The following SGK3 variants were observed in gnomAD, a reference collection of about 807,000 sequenced individuals.
The protein encoded by SGK3 is serum/glucocorticoid regulated kinase family member 3, also known as serine/threonine-protein kinase Sgk3.
In SGK3, 47 loss-of-function variants were observed where a neutral mutation model predicts 68.5. The observed-to-expected ratio is 0.69, with a 90% CI of 0.54 to 0.87. SGK3 has a LOEUF of 0.87. SGK3 is among the 40% of genes least tolerant of loss of function. SGK3 has a pLI of 0.00. For missense variants in SGK3, 479 were observed against 575.5 expected (o/e 0.83, Z 1.72); for synonymous variants, 181 against 189.1 (o/e 0.96, Z 0.35).
In SGK3 at chr8:66,744,270, T is replaced by C. The variant is rs888254075; in HGVS notation, c.-122+31437T>C. Among the ~76,000 whole-genome samples the C allele has an allele frequency of 7.9e-5, 12 of 151,854 alleles. 1 individual carries two copies. Among genetic ancestry groups the C allele is most frequent in the Non-Finnish European group, 1.0e-4 (7 of 67,968 alleles). ...GTCTTCTAGTTTCCACTGTTGCTGT[T>C]AAAAGGCCATGCCATTCTTATTCCT... On this transcript the variant is annotated intron_variant, in intron 1 of 16. Coordinates refer to ENST00000521198, the MANE Select transcript of SGK3 (RefSeq NM_001033578.3).
chr8:66,746,539 G>A (rs78670926), intron 1 of SGK3, among the ~76,000 whole-genome samples: 3,103 of 152,000 alleles, frequency 0.02, 108 homozygotes, highest in African/African-American at 0.069. Context: ...CCTGGCAACA[G>A]AGCAAGATCC....
chr8:66,726,733 T>C (rs1804993825), intron 1 of SGK3, among the ~76,000 whole-genome samples: 3 of 149,434 alleles, frequency 2.0e-5, no homozygotes, highest in African/African-American at 7.5e-5. Flanking sequence ...CTCAGGAGTT[T>C]GAGGTTACAG....
At chr8:66,767,761 T>C in intron 1 of SGK3, 1 of 1,576,816 alleles carries the variant, frequency 6.3e-7, no homozygotes. Flanking sequence ...CTGTTTTTGT[T>C]TGAGGGGTCC....
chr8:66,794,435 T>C (rs892160211), intron 2 of SGK3, among the ~76,000 whole-genome samples: 5 of 151,946 alleles, frequency 3.3e-5, no homozygotes, highest in African/African-American at 1.2e-4. Flanking sequence ...TTAGTTTCAG[T>C]AGTCCTATTA....
At chr8:66,733,066 T>C (rs1032883123) in intron 1 of SGK3, among the ~76,000 whole-genome samples, 11 of 152,138 alleles carry the variant, frequency 7.2e-5, no homozygotes, top group Admixed American at 5.9e-4. Context: ...ATGGTACATA[T>C]AGCCAGAAAA....
chr8:66,723,117 ATATATATATATATATTT>A (rs1335338290), intron 1 of SGK3, among the ~76,000 whole-genome samples: 11 of 49,778 alleles, frequency 2.2e-4, no homozygotes, highest in Admixed American at 6.8e-4. Context: ...ATATATATAT[ATATATATATATATATTT>A]TTTTTTTTTT....
At chr8:66,781,128 T>C (rs1585706879) in intron 1 of SGK3, among the ~76,000 whole-genome samples, 3 of 152,166 alleles carry the variant, frequency 2.0e-5, no homozygotes, top group African/African-American at 7.2e-5. Flanking sequence ...CTGTAAGATA[T>C]GCTTGGAGTG....
intron 1 of SGK3, among the ~76,000 whole-genome samples, chr8:66,769,657 C>T (rs1256210316): frequency 1.3e-5 from 2 of 152,174 alleles, no homozygotes; most frequent in African/African-American, 4.8e-5. Context: ...TTATTGTTTT[C>T]ATCTCTAAAA....
chr8:66,744,514 TATATA>T (rs1446716397), intron 1 of SGK3, among the ~76,000 whole-genome samples: 420 of 29,102 alleles, frequency 0.014, 5 homozygotes, highest in African/African-American at 0.017. Context: ...TATATATATA[TATATA>T]TTTTTTTTTT....
chr8:66,784,664 C>CA (rs149140470), intron 1 of SGK3, among the ~76,000 whole-genome samples: 1,604 of 150,890 alleles, frequency 0.011, 16 homozygotes, highest in Non-Finnish European at 0.015. Context: ...ATATAATAGA[C>CA]AAAAAAAATG....
In SGK3 at chr8:66,859,421, A is replaced by C. The variant is rs754690758; in HGVS notation, c.1331A>C (p.Asp444Ala). The C allele has an allele frequency of 1.2e-6, 2 of 1,608,108 alleles. No individual in the cohort carries two copies. Among genetic ancestry groups the C allele is most frequent in the Non-Finnish European group, 1.7e-6 (2 of 1,175,998 alleles). ...CTTTTGATGTTTTAGGCTGGACCAG[A>C]TGATATCAGAAACTTTGACACAGCA... ...PPFNPNVAGP[D>A]DIRNFDTAFT... Residue 444 changes from aspartate (D) to alanine (A), a missense_variant, in exon 17 of 17, where the codon GAT becomes GCT. Physicochemically the swap from Asp to Ala is moderately radical, Grantham distance 126 (BLOSUM62 -2). Transcript: ENST00000521198.
intron 10 of SGK3, 62 bp downstream of exon 10, chr8:66,836,136 T>G: frequency 6.4e-7 from 1 of 1,556,200 alleles, no homozygotes; most frequent in African/African-American, 1.4e-5. Flanking sequence ...AAGTCAAAGT[T>G]TTTCTTGTAA....
At chr8:66,849,487 T>C (rs1219727593) in intron 15 of SGK3, among the ~76,000 whole-genome samples, 1 of 152,162 alleles carries the variant, frequency 6.6e-6, no homozygotes, top group Non-Finnish European at 1.5e-5. Flanking sequence ...CTTGTCCTAC[T>C]CTTTGTCATC....
At chr8:66,805,789 G>C (rs1238498520) in intron 4 of SGK3, among the ~76,000 whole-genome samples, 1 of 152,144 alleles carries the variant, frequency 6.6e-6, no homozygotes, top group East Asian at 1.9e-4. Context: ...CAACTAATTT[G>C]CTTGTAACCT....
chr8:66,800,219 T>C (rs1807873991), intron 3 of SGK3, among the ~76,000 whole-genome samples: 2 of 151,452 alleles, frequency 1.3e-5, no homozygotes, highest in South Asian at 2.1e-4. Context: ...TGGGCGCCTG[T>C]AGTCCCAGCT....
rs35415180 is a variant in SGK3 at position 66,800,379 on chromosome 8, CTT to C, written c.180+1772_180+1773del. ...TGGCGGGGGGGGAGTTTTTTCATTT[CTT>C]TTTTTTTTTTTTTTTTTATTATACT... On this transcript the variant is annotated intron_variant, in intron 3 of 16. Coordinates refer to ENST00000521198, the MANE Select transcript of SGK3 (RefSeq NM_001033578.3). 3.8e-3 allele frequency among the ~76,000 whole-genome samples: 385 copies of C among 102,356 alleles called. 3 individuals are homozygous for C. The highest frequency in any genetic ancestry group is 0.013 in the African/African-American group (360 of 27,680). The allele number at this position is 102,356 out of a possible 152,430, so 67.1% of individuals were successfully genotyped here. A position where few individuals can be genotyped will look rare whatever the true frequency, so the allele number is the denominator to read the frequency against.
chr8:66,778,750 G>A (rs1250851988), intron 1 of SGK3, among the ~76,000 whole-genome samples: 1 of 152,198 alleles, frequency 6.6e-6, no homozygotes, highest in African/African-American at 2.4e-5. Flanking sequence ...TACAAATGAA[G>A]ACACTGAGGT....
intron 14 of SGK3, among the ~76,000 whole-genome samples, chr8:66,845,997 A>T (rs997787066): frequency 2.0e-5 from 3 of 152,164 alleles, no homozygotes; most frequent in Admixed American, 6.5e-5. Context: ...CTTATTTTAT[A>T]AAAATACTGG....
Position 66,785,988 on chromosome 8 carries a change from C to A in SGK3, c.-121-7628C>A, listed in dbSNP as rs142818163. On this transcript the variant is annotated intron_variant, in intron 1 of 16. Coordinates refer to ENST00000521198, the MANE Select transcript of SGK3 (RefSeq NM_001033578.3). Reference sequence around the variant, plus strand: ...ATATATATGAATCTCCCAAAAAGTCCCAGTTTTAATCCCCATGAATGACAT... The same window carrying A: ...ATATATATGAATCTCCCAAAAAGTCACAGTTTTAATCCCCATGAATGACAT... 3.2e-3 allele frequency among the ~76,000 whole-genome samples: 492 copies of A among 152,246 alleles called. 4 individuals are homozygous for A. Among genetic ancestry groups the A allele is most frequent in the African/African-American group, 0.011 (473 of 41,524 alleles).
Sources: allele counts gnomAD v4.1 joint callset (sites outside exome capture counted in the v4.1 genomes callset), GRCh38; gene constraint gnomAD v4.1.1; transcripts MANE v1.5; gene names NCBI Gene and HGNC (gene_info 2026-07-23, HGNC 2026-07-21).